NIFK: variants seen among roughly 807,000 people sequenced by gnomAD.
The protein encoded by NIFK is MKI67 FHA domain-interacting nucleolar phosphoprotein.
NIFK carries 16 observed loss-of-function variants against 31.7 expected under a neutral mutation model. The ratio of observed to expected loss-of-function variants is 0.50; its 90% confidence interval spans 0.34 to 0.77. NIFK has a LOEUF of 0.77. Among genes scored for constraint, NIFK ranks in the 30% least tolerant of loss-of-function variants. The pLI is 0.01. For synonymous variants in NIFK, 126 were observed against 123.0 expected, an observed-to-expected ratio of 1.02 and a Z score of -0.16; for missense variants, 341 against 350.4, an observed-to-expected ratio of 0.97 and a Z score of 0.21.
chr2:121,730,217 CAAAAA>C (rs555895677), intron 4 of NIFK, among the ~76,000 whole-genome samples: 80 of 151,042 alleles, frequency 5.3e-4, no homozygotes, highest in Middle Eastern at 3.4e-3. Flanking sequence ...GACTCTGTCT[CAAAAA>C]ACAAAACAAA....
At position 121,730,937 on chromosome 2, in the gene NIFK, T is replaced by C; in HGVS notation, c.520A>G (p.Lys174Glu). The change falls in exon 4 of 7, where the codon AAG (lysine) becomes GAG (glutamate). Residue 174 changes from lysine to glutamate, a missense_variant. Transcript: ENST00000285814. ...RFKKKERLLR[K>E]KLAKKGIDYD... Reference sequence around the variant, plus strand: ...TCAATTCCTTTTTTAGCTAATTTCTTCCTGAGTAATCTTTCTTTCTTTTTA... The same window carrying C: ...TCAATTCCTTTTTTAGCTAATTTCTCCCTGAGTAATCTTTCTTTCTTTTTA... 1 of 1,613,114 alleles carries C rather than the reference T, an allele frequency of 6.2e-7. No individual in the cohort carries two copies. Among genetic ancestry groups the C allele is most frequent in the South Asian group, 1.1e-5 (1 of 91,040 alleles).
chr2:121,731,267 C>T (rs1192521659), intron 3 of NIFK, 163 bp from the exon 4 acceptor site: 1 of 572,556 alleles, frequency 1.7e-6, no homozygotes, highest in East Asian at 2.9e-5. Flanking sequence ...GAGACAAGAC[C>T]TGGGCAGCCT....
chr2:121,728,921 G>A (rs989704089), intron 4 of NIFK, among the ~76,000 whole-genome samples: 2 of 152,098 alleles, frequency 1.3e-5, no homozygotes, highest in Admixed American at 1.3e-4. Flanking sequence ...TTCCCAAATG[G>A]TTCACAAGAG....
At chr2:121,728,449 G>A in intron 5 of NIFK, 28 bp downstream of exon 5, 2 of 1,524,844 alleles carry the variant, frequency 1.3e-6, no homozygotes, top group South Asian at 1.2e-5. Context: ...CTAATATCTT[G>A]CATGTAAAAT....
At chr2:121,734,229 G>C (rs1180811503) in intron 2 of NIFK, among the ~76,000 whole-genome samples, 3 of 152,110 alleles carry the variant, frequency 2.0e-5, no homozygotes, top group African/African-American at 7.2e-5. Context: ...CTGGGAGGCA[G>C]AGGTTGCAGT....
In NIFK at chr2:121,732,124, G is replaced by C. The variant is rs200871910; in HGVS notation, c.324C>G (p.Asn108Lys). The change falls in exon 3 of 7, where the codon AAC becomes AAG. Residue 108 changes from asparagine to lysine, a missense_variant. By Grantham distance (94) the Asn-to-Lys change is moderately conservative (BLOSUM62 0). Transcript: ENST00000285814. ...CCAAGAGTCTTTCACCAAACAGGTA[G>C]TTGTTCATTGTTTCAGCAACTATTT... ...VAKIVAETMN[N>K]YLFGERLLEC... The C allele has an allele frequency of 3.1e-6, 5 of 1,610,276 alleles. No homozygotes were observed. In the East Asian group the frequency reaches 6.7e-5, roughly 22 times the overall value.
At chr2:121,733,932 A>G (rs1205299676) in intron 2 of NIFK, among the ~76,000 whole-genome samples, 1 of 152,196 alleles carries the variant, frequency 6.6e-6, no homozygotes, top group Admixed American at 6.5e-5. Context: ...AATTCTGCCT[A>G]TACCTGTACA....
In NIFK at chr2:121,727,656, T is replaced by C. The variant is rs2074500740; in HGVS notation, c.*68A>G. On this transcript the variant is annotated 3_prime_UTR_variant, in exon 7 of 7. Transcript: ENST00000285814. ...GTCAAAGGTTGTATTCCATTGTACC[T>C]AGTGAAATACAAAGTCCACTCTCAT... 2.5e-5 allele frequency: 29 copies of C among 1,138,106 alleles called. No homozygotes were observed. The South Asian group carries it at 3.8e-4, about 15-fold the overall frequency. 70.5% of individuals were successfully genotyped at this position (1,138,106 alleles called of 1,614,324 possible). A position where few individuals can be genotyped will look rare whatever the true frequency, so the allele number is the denominator to read the frequency against.
chr2:121,729,363 A>T lies in NIFK; in HGVS notation c.565-827T>A, dbSNP rs1019917290. Among the ~76,000 whole-genome samples the T allele has an allele frequency of 2.3e-4, 32 of 138,716 alleles. 1 individual carries two copies. The highest frequency in any genetic ancestry group is 1.4e-4 in the Non-Finnish European group (9 of 66,016). 91.0% of individuals were successfully genotyped at this position (138,716 alleles called of 152,430 possible). A position where few individuals can be genotyped will look rare whatever the true frequency, so the allele number is the denominator to read the frequency against. ...AGCCTGGGCAACAGAGGGAGACTCC[A>T]TCTCAAAAAAAAAAAAAAAAAAGAA... On this transcript the variant is annotated intron_variant, in intron 4 of 6. Coordinates refer to ENST00000285814, the MANE Select transcript of NIFK (RefSeq NM_032390.5).
Position 121,727,563 on chromosome 2 carries a change from G to T in NIFK, c.*161C>A. 1 of 735,658 alleles carries T rather than the reference G, an allele frequency of 1.4e-6. No homozygotes were observed. The highest frequency in any genetic ancestry group is 2.4e-6 in the Non-Finnish European group (1 of 410,912). The allele number at this position is 735,658 out of a possible 1,614,324, so 45.6% of individuals were successfully genotyped here. A position where few individuals can be genotyped will look rare whatever the true frequency, so the allele number is the denominator to read the frequency against. On this transcript the variant is annotated 3_prime_UTR_variant, in exon 7 of 7. Transcript: ENST00000285814. ...CACCCCTGTATTTCAGCCAAGGGCA[G>T]GCAATCCAAAATTACACACTGCTTT...
intron 4 of NIFK, among the ~76,000 whole-genome samples, chr2:121,729,192 A>T (rs971600346): frequency 6.6e-5 from 10 of 151,864 alleles, no homozygotes; most frequent in African/African-American, 2.4e-4. Flanking sequence ...ATGAAACCCT[A>T]TCTCTACTAA....
At chr2:121,734,752 C>G (rs1380255386) in intron 2 of NIFK, among the ~76,000 whole-genome samples, 2 of 152,070 alleles carry the variant, frequency 1.3e-5, no homozygotes, top group Non-Finnish European at 2.9e-5. Flanking sequence ...TGAGATTGTA[C>G]CACTGCACTC....
rs372975627 is a variant in NIFK at position 121,736,868 on chromosome 2, C to G, written c.-18G>C. On this transcript the variant is annotated 5_prime_UTR_variant, in exon 1 of 7. Coordinates refer to ENST00000285814, the MANE Select transcript of NIFK (RefSeq NM_032390.5). ...GTCGCCATGCCAAAAGCCGCCGACG[C>G]TAACCACGCGGCGCTCCCGGAAACG... is the stretch of plus-strand genomic sequence containing the variant. 3 of 1,603,566 alleles carry G rather than the reference C, an allele frequency of 1.9e-6. No individual in the cohort carries two copies. The highest frequency in any genetic ancestry group is 1.7e-5 in the Admixed American group (1 of 59,902).
rs1472877293 is a variant in NIFK, at chr2:121,727,486, T to C, written c.*238A>G. The stretch of plus-strand genomic sequence containing the variant: ...GAGCTATGAAATATCAAAAGAAAAC[T>C]AGAGGCCAGGACAAAGAGGCAATGT... On this transcript the variant is annotated 3_prime_UTR_variant, in exon 7 of 7. Coordinates refer to ENST00000285814, the MANE Select transcript of NIFK (RefSeq NM_032390.5). 2 of 669,440 alleles carry C rather than the reference T, an allele frequency of 3.0e-6. No individual in the cohort carries two copies. 41.5% of individuals were successfully genotyped at this position (669,440 alleles called of 1,614,324 possible).
chr2:121,728,427 A>G lies in NIFK; in HGVS notation c.624+50T>C, dbSNP rs761752291. ...ACAGTAGTCTTGAATATGTTTTCCT[A>G]CTTATCCTTCTCTAATATCTTGCAT... is the stretch of plus-strand genomic sequence containing the variant. On this transcript the variant is annotated intron_variant, in intron 5 of 6. Transcript: ENST00000285814. The G allele has an allele frequency of 1.6e-5, 23 of 1,483,774 alleles. No individual in the cohort carries two copies. In the South Asian group the frequency reaches 2.7e-4, roughly 18 times the overall value. 91.9% of individuals were successfully genotyped at this position (1,483,774 alleles called of 1,614,324 possible). A position where few individuals can be genotyped will look rare whatever the true frequency, so the allele number is the denominator to read the frequency against.
chr2:121,736,830 C>T lies in NIFK; in HGVS notation c.21G>A (p.Pro7=), dbSNP rs372869253. Residue 7 remains proline, a synonymous_variant, in exon 1 of 7, where the codon CCG becomes CCA. Transcript: ENST00000285814. MATFSG[P]AGPILSLNPQ... is the part of the protein sequence containing the mutation. Reference sequence around the variant, plus strand: ...GATTAAGCGACAGGATTGGCCCAGCCGGGCCAGAAAAAGTCGCCATGCCAA... The same window carrying T: ...GATTAAGCGACAGGATTGGCCCAGCTGGGCCAGAAAAAGTCGCCATGCCAA... The T allele has an allele frequency of 3.0e-5, 48 of 1,614,034 alleles. No homozygotes were observed. The highest frequency in any genetic ancestry group is 4.0e-5 in the Non-Finnish European group (47 of 1,179,998).
chr2:121,730,163 G>C (rs991826626), intron 4 of NIFK, among the ~76,000 whole-genome samples: 2 of 152,240 alleles, frequency 1.3e-5, no homozygotes, highest in South Asian at 2.1e-4. Context: ...GCAATGAACT[G>C]AGATTGTGCC....
intron 3 of NIFK, 112 bp downstream of exon 3, chr2:121,731,984 T>A: frequency 4.4e-6 from 3 of 682,318 alleles, no homozygotes; most frequent in Non-Finnish European, 5.4e-6. Flanking sequence ...GTAAGACTCA[T>A]CCCAGAGATG....
rs144818693 is a variant in NIFK, at chr2:121,732,174, C to T, written c.274G>A (p.Glu92Lys). The change falls in exon 3 of 7, where the codon GAG becomes AAG. Residue 92 changes from glutamate (E) to lysine (K), a missense_variant. Transcript: ENST00000285814. ...TGNSKGYAFV[E>K]FESEDVAKIV... ...TTGGCAACATCCTCAGACTCAAACTCCACAAATGCATAGCCTTTGCTATTT... is the reference window on the plus strand; with the variant it reads ...TTGGCAACATCCTCAGACTCAAACTTCACAAATGCATAGCCTTTGCTATTT... 4.6e-4 allele frequency: 744 copies of T among 1,612,466 alleles called. 4 individuals are homozygous for T. Among genetic ancestry groups the T allele is most frequent in the Non-Finnish European group, 5.5e-4 (651 of 1,178,616 alleles).
Sources: gnomAD v4.1 joint callset for allele counts (sites outside exome capture counted in the v4.1 genomes callset) on GRCh38, gnomAD v4.1.1 for gene constraint, MANE v1.5 for transcripts, NCBI Gene and HGNC (gene_info 2026-07-23, HGNC 2026-07-21) for gene names.